DCC: variants seen among roughly 807,000 people sequenced by gnomAD.
DCC encodes DCC netrin 1 receptor, also known as netrin receptor DCC.
Under a neutral mutation model 172.5 loss-of-function variants are expected in DCC, and 58 were observed. That is an observed-to-expected ratio of 0.34 (90% CI 0.27 to 0.42). DCC has a LOEUF of 0.42. DCC is among the 10% of genes least tolerant of loss of function. DCC has a pLI of 1.00. For missense variants in DCC, 1,740 were observed against 1,791.0 expected, an observed-to-expected ratio of 0.97 and a Z score of 0.51; for synonymous variants, 709 against 644.5, an observed-to-expected ratio of 1.10 and a Z score of -1.52.
chr18:52,435,380 T>A (rs1314586374), intron 1 of DCC, among the ~76,000 whole-genome samples: 2 of 152,168 alleles, frequency 1.3e-5, no homozygotes, highest in Non-Finnish European at 2.9e-5. Flanking sequence ...TATTTCATAA[T>A]GGCCTTTTCC....
At chr18:52,353,688 G>T (rs979470333) in intron 1 of DCC, among the ~76,000 whole-genome samples, 125 of 152,134 alleles carry the variant, frequency 8.2e-4, no homozygotes, top group African/African-American at 2.9e-3. Flanking sequence ...TGCACTGCCT[G>T]GCAGAGAGAG....
At position 53,319,768 on chromosome 18, in the gene DCC, A is replaced by G. The variant is rs559126352; in HGVS notation, c.2054-2279A>G. Among the ~76,000 whole-genome samples, 88 of 152,368 alleles carry G rather than the reference A, an allele frequency of 5.8e-4. 6 individuals are homozygous for G. The South Asian group carries it at 0.018, about 31-fold the overall frequency. On this transcript the variant is annotated intron_variant, in intron 13 of 28. Transcript: ENST00000442544. ...CAGGGCAGAAGTTCTGCCTCAGGGC[A>G]GCCTCAGTTCTGCACTTAAGGTCTT... is the stretch of plus-strand genomic sequence containing the variant.
chr18:52,596,854 G>T (rs1353868441), intron 1 of DCC, among the ~76,000 whole-genome samples: 1 of 152,100 alleles, frequency 6.6e-6, no homozygotes, highest in African/African-American at 2.4e-5. Context: ...CAGCAATCTT[G>T]CCTGGCTTAA....
intron 5 of DCC, among the ~76,000 whole-genome samples, chr18:52,951,447 CG>C (rs200900621): frequency 0.019 from 2,924 of 152,100 alleles, 59 homozygotes; most frequent in South Asian, 0.051. Flanking sequence ...TCCCACCCCC[CG>C]ACAGGTCCCG....
chr18:52,360,468 T>A (rs1984570133), intron 1 of DCC, among the ~76,000 whole-genome samples: 1 of 152,246 alleles, frequency 6.6e-6, no homozygotes, highest in Admixed American at 6.5e-5. Context: ...TTTGATGTAT[T>A]GTGTAAATTA....
chr18:53,039,291 A>G (rs1452631086), intron 5 of DCC, among the ~76,000 whole-genome samples: 1 of 152,028 alleles, frequency 6.6e-6, no homozygotes, highest in Non-Finnish European at 1.5e-5. Context: ...TTGTCCTCAC[A>G]CAGTATTCTA....
intron 1 of DCC, among the ~76,000 whole-genome samples, chr18:52,637,668 C>T (rs62083441): frequency 0.026 from 3,931 of 152,178 alleles, 78 homozygotes; most frequent in Middle Eastern, 0.058. Flanking sequence ...TCTGGGATTA[C>T]GTGAAACAAC....
intron 1 of DCC, among the ~76,000 whole-genome samples, chr18:52,402,634 C>T (rs867650674): frequency 3.9e-5 from 6 of 152,046 alleles, no homozygotes; most frequent in Admixed American, 6.6e-5. Context: ...TTTTAGATGT[C>T]GCATTTTAAA....
At chr18:53,321,981 G>A in intron 13 of DCC, 66 bp from the exon 14 acceptor site, 2 of 879,078 alleles carry the variant, frequency 2.3e-6, no homozygotes, top group South Asian at 2.6e-5. Flanking sequence ...GAAGCTTTTG[G>A]AAACCCAGGT....
At chr18:52,466,077 T>G (rs1466900138) in intron 1 of DCC, among the ~76,000 whole-genome samples, 2 of 152,214 alleles carry the variant, frequency 1.3e-5, no homozygotes, top group Non-Finnish European at 2.9e-5. Context: ...TTTCTTACTA[T>G]TTGATATTCA....
intron 1 of DCC, among the ~76,000 whole-genome samples, chr18:52,736,666 C>T (rs184254060): frequency 1.8e-3 from 268 of 152,208 alleles, no homozygotes; most frequent in Admixed American, 3.7e-3. Context: ...AAATTACAAT[C>T]CTAGTACATA....
intron 16 of DCC, among the ~76,000 whole-genome samples, chr18:53,390,635 A>G (rs528906783): frequency 3.9e-5 from 6 of 152,324 alleles, no homozygotes; most frequent in Admixed American, 2.6e-4. Context: ...TCAAATGCTC[A>G]AAGTTAGGCT....
At chr18:52,452,616 A>C (rs1214758273) in intron 1 of DCC, among the ~76,000 whole-genome samples, 1 of 152,222 alleles carries the variant, frequency 6.6e-6, no homozygotes, top group Non-Finnish European at 1.5e-5. Context: ...CGTTGTTGCC[A>C]ATACTGGGTT....
At chr18:52,345,144 C>A (rs1185537729) in intron 1 of DCC, among the ~76,000 whole-genome samples, 1 of 152,196 alleles carries the variant, frequency 6.6e-6, no homozygotes, top group Admixed American at 6.5e-5. Context: ...TAATCTACCT[C>A]AGATGATAAT....
intron 27 of DCC, among the ~76,000 whole-genome samples, chr18:53,520,114 C>CAGTT (rs1276586362): frequency 2.0e-5 from 3 of 152,042 alleles, no homozygotes; most frequent in African/African-American, 7.2e-5. Flanking sequence ...AGAAAAAAAC[C>CAGTT]AGTTAGTCTC....
chr18:53,463,346 T>C (rs2045582329), intron 24 of DCC, among the ~76,000 whole-genome samples: 1 of 152,214 alleles, frequency 6.6e-6, no homozygotes, highest in African/African-American at 2.4e-5. Context: ...TTATGCCTAC[T>C]TGTCCTCAAT....
chr18:52,671,431 A>G (rs1266750770), intron 1 of DCC, among the ~76,000 whole-genome samples: 1 of 151,612 alleles, frequency 6.6e-6, no homozygotes, highest in Non-Finnish European at 1.5e-5. Context: ...TCTTTCCAAT[A>G]TGCCTTTAAA....
intron 8 of DCC, among the ~76,000 whole-genome samples, chr18:53,168,582 C>G (rs1313809472): frequency 1.0e-5 from 1 of 99,892 alleles, no homozygotes; most frequent in Non-Finnish European, 2.0e-5. Flanking sequence ...GGCGGGGGGG[C>G]TAGGGGAGGG....
At chr18:53,348,892 C>T (rs2057755110) in intron 15 of DCC, among the ~76,000 whole-genome samples, 2 of 152,154 alleles carry the variant, frequency 1.3e-5, no homozygotes, top group South Asian at 2.1e-4. Context: ...GGCATCCAGG[C>T]CTGTCATGGG....
Sources: allele counts gnomAD v4.1 joint callset (sites outside exome capture counted in the v4.1 genomes callset), GRCh38; gene constraint gnomAD v4.1.1; transcripts MANE v1.5; gene names NCBI Gene and HGNC (gene_info 2026-07-23, HGNC 2026-07-21).